Variants in ANKRD36B observed in about 807,000 individuals in gnomAD.
ANKRD36B encodes ankyrin repeat domain-containing protein 36B.
ANKRD36B carries 37 observed loss-of-function variants against 135.7 expected under a neutral mutation model. The ratio of observed to expected loss-of-function variants is 0.27; its 90% CI spans 0.21 to 0.36. The LOEUF (loss-of-function observed/expected upper bound fraction) is 0.36, where lower values mean the gene tolerates loss of function less well. Among genes scored for constraint, ANKRD36B ranks in the 10% least tolerant of loss-of-function variants. ANKRD36B has a pLI of 1.00. For missense variants in ANKRD36B, 549 were observed against 1,037.1 expected (o/e 0.53, Z 6.46); for synonymous variants, 179 against 348.1 (o/e 0.51, Z 5.41).
intron 38 of ANKRD36B, 106 bp downstream of exon 38, chr2:97,513,074 A>G: frequency 1.6e-6 from 2 of 1,236,946 alleles, no homozygotes; most frequent in Non-Finnish European, 2.1e-6. Flanking sequence ...GATGAAATAA[A>G]ATTTGGGGAT....
At chr2:97,535,316 A>T (rs1264734412) in intron 34 of ANKRD36B, among the ~76,000 whole-genome samples, 1 of 102,610 alleles carries the variant, frequency 9.7e-6, no homozygotes, top group Non-Finnish European at 2.7e-5. Context: ...TTACTGAGGA[A>T]GTACAAATGA....
In ANKRD36B at chr2:97,570,383, T is replaced by C. The variant is rs553117671; in HGVS notation, c.763+5996A>G. Among the ~76,000 whole-genome samples, 200 of 152,348 alleles carry C rather than the reference T, an allele frequency of 1.3e-3. 3 individuals carry two copies. The highest frequency in any genetic ancestry group is 4.5e-3 in the African/African-American group (188 of 41,564). On this transcript the variant is annotated intron_variant, in intron 6 of 43. Coordinates refer to ENST00000359901, the MANE Select transcript of ANKRD36B (RefSeq NM_001393939.1). ...AGGCCTACATGCAAAACTGGCCATTTGCTGGTGTTTGGAAATTTGCATTTT... is the reference window on the plus strand; with the variant it reads ...AGGCCTACATGCAAAACTGGCCATTCGCTGGTGTTTGGAAATTTGCATTTT...
At chr2:97,551,679 C>G (rs1182221099) in intron 16 of ANKRD36B, among the ~76,000 whole-genome samples, 199 bp from the exon 17 acceptor site, 1 of 151,862 alleles carries the variant, frequency 6.6e-6, no homozygotes, top group Non-Finnish European at 1.5e-5. Context: ...GAAATATACC[C>G]CTGCAATTTC....
chr2:97,535,515 T>C (rs956538063), intron 34 of ANKRD36B, among the ~76,000 whole-genome samples: 6 of 118,386 alleles, frequency 5.1e-5, no homozygotes, highest in Admixed American at 8.2e-5. Flanking sequence ...ACACACACAG[T>C]GTGCTAATCA....
chr2:97,561,210 G>T (rs1003722544), intron 6 of ANKRD36B, among the ~76,000 whole-genome samples: 1 of 151,986 alleles, frequency 6.6e-6, no homozygotes, highest in African/African-American at 2.4e-5. Flanking sequence ...GGGAATCAGC[G>T]TCAAAGCAGG....
At chr2:97,567,446 C>A (rs2081531745) in intron 6 of ANKRD36B, among the ~76,000 whole-genome samples, 1 of 151,806 alleles carries the variant, frequency 6.6e-6, no homozygotes, top group Non-Finnish European at 1.5e-5. Flanking sequence ...TGATGATGAG[C>A]CCCACCCTGA....
At chr2:97,576,180 T>A (rs1453631026) in intron 6 of ANKRD36B, among the ~76,000 whole-genome samples, 199 bp downstream of exon 6, 1 of 151,024 alleles carries the variant, frequency 6.6e-6, no homozygotes, top group Non-Finnish European at 1.5e-5. Flanking sequence ...AAATAATAAT[T>A]TTTTTCAAAC....
intron 1 of ANKRD36B, among the ~76,000 whole-genome samples, chr2:97,588,160 T>C (rs1163342336): frequency 6.6e-6 from 1 of 152,080 alleles, no homozygotes; most frequent in Non-Finnish European, 1.5e-5. Context: ...TCTTATTTTG[T>C]GCATTTAAAA....
rs1282611083 is a variant in ANKRD36B, at chr2:97,549,462, C to G, written c.1434G>C (p.Leu478Phe). The change falls in exon 20 of 44, where the codon TTG (leucine) becomes TTC (phenylalanine). Residue 478 changes from leucine (L) to phenylalanine (F), a missense_variant. Leu to Phe is a conservative substitution (Grantham distance 22). Coordinates refer to ENST00000359901, the MANE Select transcript of ANKRD36B (RefSeq NM_001393939.1). ...CATCCTTTTTTTCTCTGGCTATATT[C>G]AAAACAGAATCTTCCTTGACACTTG... ...KATSVKEDSV[L>F]NIAREKKDGE... 2 of 1,588,990 alleles carry G rather than the reference C, an allele frequency of 1.3e-6. No individual in the cohort carries two copies. The highest frequency in any genetic ancestry group is 1.7e-5 in the Admixed American group (1 of 57,424).
At chr2:97,586,220 T>A (rs2082981710) in intron 1 of ANKRD36B, among the ~76,000 whole-genome samples, 2 of 152,058 alleles carry the variant, frequency 1.3e-5, no homozygotes, top group South Asian at 4.1e-4. Flanking sequence ...CAAAAAAAAA[T>A]AATCCAAAGA....
At chr2:97,580,667 T>C (rs1355859313) in intron 3 of ANKRD36B, 99 bp from the exon 4 acceptor site, 9 of 1,160,004 alleles carry the variant, frequency 7.8e-6, no homozygotes, top group Middle Eastern at 2.1e-4. Flanking sequence ...ATATATACAA[T>C]TGAAAGGTCG....
At chr2:97,586,730 T>A (rs1321626860) in intron 1 of ANKRD36B, among the ~76,000 whole-genome samples, 3 of 152,200 alleles carry the variant, frequency 2.0e-5, no homozygotes, top group Non-Finnish European at 4.4e-5. Context: ...ATAATTAATT[T>A]AAAATTGTTT....
chr2:97,564,282 G>T (rs190393949), intron 6 of ANKRD36B, among the ~76,000 whole-genome samples: 29 of 152,170 alleles, frequency 1.9e-4, no homozygotes, highest in African/African-American at 5.5e-4. Context: ...GTCTACCAAA[G>T]AGTCAGGATA....
chr2:97,546,980 A>G (rs573506853), intron 22 of ANKRD36B, among the ~76,000 whole-genome samples: 1 of 151,776 alleles, frequency 6.6e-6, no homozygotes, highest in Non-Finnish European at 1.5e-5. Context: ...TTATGAAAAT[A>G]TTCCAAATGC....
At position 97,570,184 on chromosome 2, in the gene ANKRD36B, A is replaced by T. The variant is rs186044709; in HGVS notation, c.763+6195T>A. On this transcript the variant is annotated intron_variant, in intron 6 of 43. Coordinates refer to ENST00000359901, the MANE Select transcript of ANKRD36B (RefSeq NM_001393939.1). ...CCAAAATCTAACAGCACAGAAACTT[A>T]GTATTTCATATTAAGTTGCAACTGA... is the stretch of plus-strand genomic sequence containing the variant. 4.5e-3 allele frequency among the ~76,000 whole-genome samples: 686 copies of T among 152,304 alleles called. 5 individuals carry two copies. Among genetic ancestry groups the T allele is most frequent in the African/African-American group, 0.016 (658 of 41,568 alleles).
intron 18 of ANKRD36B, among the ~76,000 whole-genome samples, chr2:97,550,682 T>C (rs2079966000): frequency 6.6e-6 from 1 of 151,918 alleles, no homozygotes; most frequent in African/African-American, 2.4e-5. Context: ...CACTGTTTCC[T>C]GCTTCCAGCA....
intron 17 of ANKRD36B, 38 bp downstream of exon 17, chr2:97,551,414 C>G (rs370935310): frequency 1.9e-6 from 3 of 1,605,652 alleles, no homozygotes; most frequent in East Asian, 2.2e-5. Flanking sequence ...ATAGGCTATA[C>G]GTTTACTAGC....
intron 20 of ANKRD36B, 56 bp downstream of exon 20, chr2:97,549,363 G>C: frequency 6.6e-7 from 1 of 1,513,404 alleles, no homozygotes; most frequent in Admixed American, 2.1e-5. Flanking sequence ...ATTTGGGGAA[G>C]AGAACTTCTT....
At chr2:97,565,123 T>C (rs1445204983) in intron 6 of ANKRD36B, among the ~76,000 whole-genome samples, 8 of 152,148 alleles carry the variant, frequency 5.3e-5, no homozygotes, top group Non-Finnish European at 8.8e-5. Flanking sequence ...TTATTCTCTT[T>C]GTAGCAATTG....
Sources: gnomAD v4.1 joint callset for allele counts (sites outside exome capture counted in the v4.1 genomes callset) on GRCh38, gnomAD v4.1.1 for gene constraint, MANE v1.5 for transcripts, NCBI Gene and HGNC (gene_info 2026-07-23, HGNC 2026-07-21) for gene names.